GPC6: variants seen among roughly 807,000 people sequenced by gnomAD.
GPC6 encodes glypican-6.
A neutral mutation model predicts 55.2 loss-of-function variants in GPC6; 14 were observed. The ratio of observed to expected loss-of-function variants is 0.25; its 90% CI spans 0.17 to 0.40. The LOEUF (loss-of-function observed/expected upper bound fraction) is 0.40, where lower values mean the gene tolerates loss of function less well. GPC6 is among the 10% of genes least tolerant of loss of function. GPC6 has a pLI of 1.00. For missense variants in GPC6, 641 were observed against 708.5 expected, an observed-to-expected ratio of 0.90 and a Z score of 1.08; for synonymous variants, 278 against 259.6, an observed-to-expected ratio of 1.07 and a Z score of -0.68.
chr13:93,305,495 T>C (rs931852523), intron 1 of GPC6, among the ~76,000 whole-genome samples: 3 of 152,094 alleles, frequency 2.0e-5, no homozygotes, highest in African/African-American at 4.8e-5. Context: ...ATAGAATTAG[T>C]GAGGGAGCTG....
chr13:93,989,655 A>C (rs1881202138), intron 3 of GPC6, among the ~76,000 whole-genome samples: 1 of 152,138 alleles, frequency 6.6e-6, no homozygotes, highest in Non-Finnish European at 1.5e-5. Flanking sequence ...AAGCAGCAAT[A>C]ATGTCAGACT....
At chr13:93,418,323 T>A (rs1876780709) in intron 1 of GPC6, among the ~76,000 whole-genome samples, 1 of 151,474 alleles carries the variant, frequency 6.6e-6, no homozygotes. Flanking sequence ...AATATACAAT[T>A]AATTATCATT....
chr13:94,343,467 G>C (rs113764678), intron 6 of GPC6, among the ~76,000 whole-genome samples: 10 of 152,224 alleles, frequency 6.6e-5, no homozygotes, highest in Middle Eastern at 3.4e-3. Context: ...CAGATACAGG[G>C]ACAGAAAAAG....
At chr13:93,963,611 A>G (rs957560867) in intron 3 of GPC6, among the ~76,000 whole-genome samples, 3 of 152,212 alleles carry the variant, frequency 2.0e-5, no homozygotes, top group Non-Finnish European at 4.4e-5. Flanking sequence ...TCATTTAAAA[A>G]ATAGCTGTGC....
At chr13:93,857,055 C>G (rs1453511218) in intron 3 of GPC6, among the ~76,000 whole-genome samples, 2 of 151,636 alleles carry the variant, frequency 1.3e-5, no homozygotes, top group Non-Finnish European at 3.0e-5. Flanking sequence ...CCACATATCA[C>G]TTATTTAGTA....
At chr13:94,235,031 C>A (rs760046027) in intron 4 of GPC6, among the ~76,000 whole-genome samples, 4 of 152,098 alleles carry the variant, frequency 2.6e-5, no homozygotes, top group Non-Finnish European at 5.9e-5. Flanking sequence ...ATCTGTACAG[C>A]AATGTGCATA....
intron 3 of GPC6, among the ~76,000 whole-genome samples, chr13:93,839,316 T>C (rs1887865714): frequency 6.6e-6 from 1 of 152,038 alleles, no homozygotes; most frequent in Admixed American, 6.6e-5. Context: ...CACACCAAAA[T>C]TGAAAGTTAA....
At chr13:93,364,646 C>G (rs184241540) in intron 1 of GPC6, among the ~76,000 whole-genome samples, 1 of 150,998 alleles carries the variant, frequency 6.6e-6, no homozygotes, top group Admixed American at 6.6e-5. Context: ...TCTCAGTTCT[C>G]CTTGTAGTGG....
intron 4 of GPC6, among the ~76,000 whole-genome samples, chr13:94,185,094 C>A (rs1889124564): frequency 6.6e-6 from 1 of 151,986 alleles, no homozygotes; most frequent in Non-Finnish European, 1.5e-5. Context: ...AAACATTGAG[C>A]ACCCATGGAC....
At chr13:94,170,058 T>A (rs865930926) in intron 4 of GPC6, among the ~76,000 whole-genome samples, 2 of 152,134 alleles carry the variant, frequency 1.3e-5, no homozygotes, top group Non-Finnish European at 2.9e-5. Context: ...ACTGCTACTG[T>A]TGGAGGCAAG....
At chr13:93,850,889 C>T (rs1888368584) in intron 3 of GPC6, among the ~76,000 whole-genome samples, 1 of 151,888 alleles carries the variant, frequency 6.6e-6, no homozygotes, top group African/African-American at 2.4e-5. Context: ...AGACATATGA[C>T]TGAGAAACTG....
At chr13:93,563,811 T>G (rs971124872) in intron 2 of GPC6, among the ~76,000 whole-genome samples, 1 of 152,084 alleles carries the variant, frequency 6.6e-6, no homozygotes, top group Non-Finnish European at 1.5e-5. Context: ...GGTTTGTCTA[T>G]TCTTAGGAAA....
intron 2 of GPC6, among the ~76,000 whole-genome samples, chr13:93,827,723 G>A (rs16949291): frequency 0.09 from 13,665 of 152,098 alleles, 958 homozygotes; most frequent in East Asian, 0.23. Context: ...TATTTGAGCC[G>A]TATTTATTGA....
At chr13:93,686,862 G>A (rs897041389) in intron 2 of GPC6, among the ~76,000 whole-genome samples, 51 of 151,892 alleles carry the variant, frequency 3.4e-4, no homozygotes, top group Non-Finnish European at 7.4e-5. Flanking sequence ...TTGATGAATA[G>A]CTCCTCTTGT....
At chr13:94,239,330 C>A (rs1156283631) in intron 4 of GPC6, among the ~76,000 whole-genome samples, 1 of 152,124 alleles carries the variant, frequency 6.6e-6, no homozygotes, top group African/African-American at 2.4e-5. Flanking sequence ...CACAGTGTGT[C>A]ATTGTCACGA....
intron 4 of GPC6, among the ~76,000 whole-genome samples, chr13:94,134,659 C>T (rs1887119283): frequency 6.6e-6 from 1 of 151,992 alleles, no homozygotes; most frequent in African/African-American, 2.4e-5. Context: ...TGTTAAATAA[C>T]CCTTAGAGAA....
chr13:94,270,759 A>C (rs1891966810), intron 4 of GPC6, among the ~76,000 whole-genome samples: 1 of 152,170 alleles, frequency 6.6e-6, no homozygotes, highest in Non-Finnish European at 1.5e-5. Context: ...TGCATCTTCT[A>C]AGACCAGAAT....
chr13:94,205,912 G>A lies in GPC6; in HGVS notation c.878-80437G>A, dbSNP rs529342342. On this transcript the variant is annotated intron_variant, in intron 4 of 8. Coordinates refer to ENST00000377047, the MANE Select transcript of GPC6 (RefSeq NM_005708.5). The stretch of plus-strand genomic sequence containing the variant: ...GGGACTGATTTTGCCCATCAGAGAC[G>A]TTTGGCAGTGCCTGGAGACATTACT... Among the ~76,000 whole-genome samples the A allele has an allele frequency of 4.6e-5, 7 of 152,266 alleles. No homozygotes were observed. In the East Asian group the frequency reaches 7.7e-4, roughly 17 times the overall value.
intron 2 of GPC6, among the ~76,000 whole-genome samples, chr13:93,790,284 A>C (rs145040569): frequency 6.6e-6 from 1 of 152,166 alleles, no homozygotes; most frequent in African/African-American, 2.4e-5. Flanking sequence ...TTGTTTCCCA[A>C]TGGGAAATCT....
Sources: allele counts gnomAD v4.1 joint callset (sites outside exome capture counted in the v4.1 genomes callset), GRCh38; gene constraint gnomAD v4.1.1; transcripts MANE v1.5; gene names NCBI Gene and HGNC (gene_info 2026-07-23, HGNC 2026-07-21).